GLIS1: variants seen among roughly 807,000 people sequenced by gnomAD.
GLIS1 encodes zinc finger protein GLIS1.
In GLIS1, 24 loss-of-function variants were observed where a neutral mutation model predicts 63.8. The observed-to-expected ratio is 0.38, with a 90% CI of 0.27 to 0.53. GLIS1 has a LOEUF of 0.53. GLIS1 is among the 20% of genes least tolerant of loss of function. GLIS1 has a pLI of 0.85. For synonymous variants in GLIS1, 450 were observed against 482.5 expected (o/e 0.93, Z 0.88); for missense variants, 1,036 against 1,074.1 (o/e 0.96, Z 0.50).
chr1:53,668,701 T>C (rs1371836603), intron 2 of GLIS1, among the ~76,000 whole-genome samples: 1 of 152,158 alleles, frequency 6.6e-6, no homozygotes, highest in Non-Finnish European at 1.5e-5. Context: ...TACTTACCAT[T>C]GTGTTACAGC....
chr1:53,633,432 G>GGT (rs199900968), intron 2 of GLIS1, among the ~76,000 whole-genome samples: 1 of 149,572 alleles, frequency 6.7e-6, no homozygotes, highest in East Asian at 2.0e-4. Context: ...GTGACTGAGG[G>GGT]GTGTGAATGA....
chr1:53,541,346 G>T (rs548054062), intron 4 of GLIS1, among the ~76,000 whole-genome samples: 1 of 152,316 alleles, frequency 6.6e-6, no homozygotes, highest in African/African-American at 2.4e-5. Flanking sequence ...GGGGCCAGTG[G>T]TATCAATAGG....
intron 2 of GLIS1, among the ~76,000 whole-genome samples, chr1:53,686,589 C>G (rs759891594): frequency 6.6e-6 from 1 of 152,004 alleles, no homozygotes; most frequent in African/African-American, 2.4e-5. Flanking sequence ...GGGGAGGCAG[C>G]GAGGGAAGCA....
At chr1:53,621,259 C>A (rs1408768759) in intron 2 of GLIS1, among the ~76,000 whole-genome samples, 1 of 152,230 alleles carries the variant, frequency 6.6e-6, no homozygotes. Flanking sequence ...TTCTGTATCC[C>A]CCCCAAGTCT....
At chr1:53,605,768 G>C (rs540545952) in intron 2 of GLIS1, among the ~76,000 whole-genome samples, 1 of 152,314 alleles carries the variant, frequency 6.6e-6, no homozygotes, top group African/African-American at 2.4e-5. Flanking sequence ...ACTTGTCCTA[G>C]TCACACAGTG....
intron 2 of GLIS1, among the ~76,000 whole-genome samples, chr1:53,650,623 A>G (rs113017201): frequency 2.5e-4 from 38 of 152,004 alleles, no homozygotes; most frequent in Non-Finnish European, 4.3e-4. Context: ...CACTTTAGGA[A>G]AGGCTTGGTA....
At chr1:53,533,922 T>C (rs556695319) in intron 4 of GLIS1, among the ~76,000 whole-genome samples, 2 of 152,202 alleles carry the variant, frequency 1.3e-5, no homozygotes, top group African/African-American at 2.4e-5. Context: ...CACTGCCCAG[T>C]AGGCAAGTAT....
At chr1:53,673,395 A>G (rs1646176081) in intron 2 of GLIS1, among the ~76,000 whole-genome samples, 1 of 152,238 alleles carries the variant, frequency 6.6e-6, no homozygotes, top group Admixed American at 6.5e-5. Flanking sequence ...GGAATGAACC[A>G]AAAGGGCTTT....
intron 4 of GLIS1, among the ~76,000 whole-genome samples, chr1:53,555,326 C>T (rs372140808): frequency 1.3e-5 from 2 of 152,076 alleles, no homozygotes; most frequent in African/African-American, 2.4e-5. Context: ...GTCAGGAGAT[C>T]GAGACCATCC....
chr1:53,575,843 C>T (rs942727739), intron 4 of GLIS1, among the ~76,000 whole-genome samples: 4 of 152,102 alleles, frequency 2.6e-5, no homozygotes, highest in East Asian at 3.9e-4. Flanking sequence ...TGCCGCCCTG[C>T]GGGTCCCCTC....
chr1:53,535,861 T>A (rs1374512545), intron 4 of GLIS1, among the ~76,000 whole-genome samples: 1 of 151,980 alleles, frequency 6.6e-6, no homozygotes, highest in Non-Finnish European at 1.5e-5. Context: ...CATGTACAGA[T>A]CCTCACCCTG....
chr1:53,632,951 C>A (rs1645678535), intron 2 of GLIS1, among the ~76,000 whole-genome samples: 2 of 109,328 alleles, frequency 1.8e-5, no homozygotes, highest in South Asian at 6.6e-4. Flanking sequence ...GTGAATGTGA[C>A]TGAGGGGCGT....
At chr1:53,737,640 C>G (rs957069141) in intron 2 of GLIS1, among the ~76,000 whole-genome samples, 166 bp downstream of exon 2, 1 of 152,252 alleles carries the variant, frequency 6.6e-6, no homozygotes, top group African/African-American at 2.4e-5. Flanking sequence ...AGATGCTTCG[C>G]AAAGCAGGCA....
intron 2 of GLIS1, among the ~76,000 whole-genome samples, chr1:53,670,725 A>G (rs1371928494): frequency 3.9e-5 from 6 of 152,194 alleles, no homozygotes; most frequent in African/African-American, 1.4e-4. Context: ...CTAGTCTAAC[A>G]TTTGTTCCCA....
intron 4 of GLIS1, among the ~76,000 whole-genome samples, chr1:53,550,874 C>T (rs1274786923): frequency 6.6e-6 from 1 of 152,050 alleles, no homozygotes; most frequent in African/African-American, 2.4e-5. Context: ...TTTTTTGAGA[C>T]AGAGTCTTGC....
intron 4 of GLIS1, among the ~76,000 whole-genome samples, chr1:53,567,276 G>C (rs558304731): frequency 2.6e-5 from 4 of 152,326 alleles, no homozygotes; most frequent in Admixed American, 2.0e-4. Context: ...GAATTTGAAA[G>C]AGATGATTTA....
intron 2 of GLIS1, among the ~76,000 whole-genome samples, chr1:53,608,374 G>A (rs1329089669): frequency 6.6e-6 from 1 of 152,198 alleles, no homozygotes; most frequent in Non-Finnish European, 1.5e-5. Flanking sequence ...CAGCCACACT[G>A]GGTGTTAGGG....
chr1:53,646,567 T>G lies in GLIS1; in HGVS notation c.260-46289A>C, dbSNP rs909845927. ...GCTCACACCTGTAATTCCAGCGCTT[T>G]GGGAGGCTAAGGTGGGTGGATCAGT... On this transcript the variant is annotated intron_variant, in intron 2 of 10. Transcript: ENST00000628545. This position sits in a 1 kb window ranked among gnomAD's most constrained non-coding sequence, Gnocchi z 4.2. Among the ~76,000 whole-genome samples the G allele has an allele frequency of 2.0e-5, 3 of 152,166 alleles. No homozygotes were observed. Among genetic ancestry groups the G allele is most frequent in the Non-Finnish European group, 2.9e-5 (2 of 68,028 alleles).
intron 2 of GLIS1, among the ~76,000 whole-genome samples, chr1:53,680,665 A>C (rs1466747945): frequency 6.6e-6 from 1 of 152,222 alleles, no homozygotes; most frequent in African/African-American, 2.4e-5. Flanking sequence ...CGTGGCCAGA[A>C]AACAAATCCT....
Sources: gnomAD v4.1 joint callset for allele counts (sites outside exome capture counted in the v4.1 genomes callset) on GRCh38, gnomAD v4.1.1 for gene constraint, Gnocchi (gnomAD v3.1) non-coding constraint, MANE v1.5 for transcripts, NCBI Gene and HGNC (gene_info 2026-07-23, HGNC 2026-07-21) for gene names.